Variants in MICAL3 observed in about 807,000 individuals in gnomAD.
MICAL3 encodes the protein microtubule associated monooxygenase, calponin and LIM domain containing 3, also known as [F-actin]-monooxygenase MICAL3.
In MICAL3, 62 loss-of-function variants were observed where a neutral mutation model predicts 207.4. The ratio of observed to expected loss-of-function variants is 0.30; its 90% CI spans 0.24 to 0.37. MICAL3 has a LOEUF of 0.37. Ranked by LOEUF, MICAL3 falls within the 10% of genes least tolerant of loss-of-function variation. The probability of loss-of-function intolerance (pLI) is 1.00; values close to 1 mark genes in which losing one functional copy is unlikely to be tolerated. For synonymous variants in MICAL3, 1,077 were observed against 1,069.3 expected (o/e 1.01, Z -0.14); for missense variants, 2,368 against 2,635.6 (o/e 0.90, Z 2.22).
In MICAL3 at chr22:17,952,068, C is replaced by T. The variant is rs145313286; in HGVS notation, c.-74-45182G>A. ...CAAGGGCTGCTATGTGATGCATGAACACCCAGGGTGGAATGAACTGCAAGG... is the reference window on the plus strand; with the variant it reads ...CAAGGGCTGCTATGTGATGCATGAATACCCAGGGTGGAATGAACTGCAAGG... On this transcript the variant is annotated intron_variant, in intron 1 of 31. Transcript: ENST00000441493. Among the ~76,000 whole-genome samples the T allele has an allele frequency of 4.6e-3, 705 of 152,298 alleles. 6 individuals carry two copies. The highest frequency in any genetic ancestry group is 0.016 in the African/African-American group (659 of 41,552).
intron 1 of MICAL3, among the ~76,000 whole-genome samples, chr22:17,927,095 C>T (rs985843601): frequency 7.9e-5 from 12 of 152,194 alleles, no homozygotes; most frequent in African/African-American, 2.9e-4. Context: ...TCCCCATTTC[C>T]CCTTCCTCAG....
In MICAL3 at chr22:17,817,579, C is replaced by A. The variant is rs1921138681; in HGVS notation, c.5082G>T (p.Gly1694=). ...GSFTSSEGSS[G]KSKKRSSLFS... is the part of the protein sequence containing the mutation. ...AGAGTGACGACCTCTTCTTGCTCTT[C>A]CCACTGGAGCCCTCGGATGAAGTGA... Residue 1694 remains glycine (G), a synonymous_variant, in exon 26 of 32, where the codon GGG becomes GGT. Transcript: ENST00000441493. 6.2e-7 allele frequency: 1 copy of A among 1,613,286 alleles called. No homozygotes were observed. The highest frequency in any genetic ancestry group is 1.7e-5 in the Admixed American group (1 of 59,988).
intron 1 of MICAL3, among the ~76,000 whole-genome samples, chr22:18,011,934 T>G (rs1196759782): frequency 1.3e-5 from 2 of 149,314 alleles, no homozygotes; most frequent in African/African-American, 4.9e-5. Context: ...AATAAAAAAT[T>G]TTTTAAAAAA....
chr22:17,957,264 A>C (rs1193732776), intron 1 of MICAL3, among the ~76,000 whole-genome samples: 1 of 152,196 alleles, frequency 6.6e-6, no homozygotes, highest in Non-Finnish European at 1.5e-5. Context: ...AAGGAACGAG[A>C]CAAAATCCTG....
chr22:17,835,707 G>A (rs975018575), intron 20 of MICAL3, among the ~76,000 whole-genome samples: 2 of 152,244 alleles, frequency 1.3e-5, no homozygotes, highest in South Asian at 2.1e-4. Flanking sequence ...CAGGAGGGAC[G>A]GGGTCAGATC....
At chr22:17,926,031 G>C (rs1025887547) in intron 1 of MICAL3, among the ~76,000 whole-genome samples, 2 of 152,228 alleles carry the variant, frequency 1.3e-5, no homozygotes, top group African/African-American at 4.8e-5. Flanking sequence ...CATTTTAAGT[G>C]ATGGTATCCA....
At chr22:17,858,824 G>A (rs951375804) in intron 19 of MICAL3, among the ~76,000 whole-genome samples, 2 of 152,236 alleles carry the variant, frequency 1.3e-5, no homozygotes, top group African/African-American at 4.8e-5. Context: ...CTCAGGCATC[G>A]CTGTGAACAG....
At chr22:17,963,795 G>A (rs534276620) in intron 1 of MICAL3, among the ~76,000 whole-genome samples, 65 of 152,294 alleles carry the variant, frequency 4.3e-4, no homozygotes, top group Non-Finnish European at 5.7e-4. Context: ...GAATCCCACA[G>A]GCCGATCATT....
At chr22:17,967,486 ACACACACC>A (rs1556491354) in intron 1 of MICAL3, among the ~76,000 whole-genome samples, 1 of 145,592 alleles carries the variant, frequency 6.9e-6, no homozygotes, top group Non-Finnish European at 1.5e-5. Flanking sequence ...ACACACACAC[ACACACACC>A]CACACACACC....
chr22:17,807,740 G>A (rs994819529), intron 29 of MICAL3, among the ~76,000 whole-genome samples: 1 of 152,176 alleles, frequency 6.6e-6, no homozygotes, highest in African/African-American at 2.4e-5. Flanking sequence ...CACTTCCCAT[G>A]AGCCCATGGG....
intron 1 of MICAL3, among the ~76,000 whole-genome samples, chr22:18,021,959 C>T (rs915357914): frequency 6.6e-6 from 1 of 152,152 alleles, no homozygotes; most frequent in Non-Finnish European, 1.5e-5. Context: ...CTACTTAACC[C>T]AAATGAAAGC....
chr22:17,866,669 A>AGAATAGAATAGAATAGAATAG lies in MICAL3; in HGVS notation c.2429-658_2429-657insCTATTCTATTCTATTCTATTC, dbSNP rs1556037530. On this transcript the variant is annotated intron_variant, in intron 17 of 31. Coordinates refer to ENST00000441493, the MANE Select transcript of MICAL3 (RefSeq NM_015241.3). ...AGAATAGAATAGAATAGAATAGAAT[A>AGAATAGAATAGAATAGAATAG]TAGAATAGAATAGAATAGAATCCAG... Among the ~76,000 whole-genome samples, 9 of 87,496 alleles carry AGAATAGAATAGAATAGAATAG rather than the reference A, an allele frequency of 1.0e-4. No individual in the cohort carries two copies. In the East Asian group the frequency reaches 2.1e-3, roughly 21 times the overall value. 57.4% of individuals were successfully genotyped at this position (87,496 alleles called of 152,430 possible).
At chr22:17,961,804 C>T (rs113234048) in intron 1 of MICAL3, among the ~76,000 whole-genome samples, 3,264 of 152,292 alleles carry the variant, frequency 0.021, 44 homozygotes, top group Non-Finnish European at 0.033. Context: ...GCCCACCCCA[C>T]CCCAACCCTG....
chr22:17,864,524 G>A lies in MICAL3; in HGVS notation c.2605+375C>T, dbSNP rs1417530482. 8.4e-6 allele frequency: 12 copies of A among 1,434,500 alleles called. No homozygotes were observed. In the Admixed American group the frequency reaches 1.1e-4, roughly 13 times the overall value. 88.9% of individuals were successfully genotyped at this position (1,434,500 alleles called of 1,614,324 possible). On this transcript the variant is annotated intron_variant, in intron 19 of 31. Coordinates refer to ENST00000441493, the MANE Select transcript of MICAL3 (RefSeq NM_015241.3). ...CCTTGGCCTCACCAGGGCGGGTGAT[G>A]GGAGCAGTGTCTGAGCGCCTGCGAG...
intron 19 of MICAL3, among the ~76,000 whole-genome samples, chr22:17,855,927 C>T (rs1444062866): frequency 2.6e-5 from 4 of 152,264 alleles, no homozygotes; most frequent in African/African-American, 7.2e-5. Flanking sequence ...CTCCTGTGTC[C>T]TCTGCACAGC....
Position 17,821,524 on chromosome 22 carries a change from C to A in MICAL3, c.3449-15G>T. Reference sequence around the variant, plus strand: ...TTGGGAGGGACCTGAAAAGAATGAACACAGGGACTTACAAGAGGAAGCCCC... The same window carrying A: ...TTGGGAGGGACCTGAAAAGAATGAAAACAGGGACTTACAAGAGGAAGCCCC... On this transcript the variant is annotated splice_polypyrimidine_tract_variant and intron_variant, in intron 24 of 31. Coordinates refer to ENST00000441493, the MANE Select transcript of MICAL3 (RefSeq NM_015241.3). 6.5e-7 allele frequency: 1 copy of A among 1,535,318 alleles called. No homozygotes were observed. Among genetic ancestry groups the A allele is most frequent in the South Asian group, 1.2e-5 (1 of 82,010 alleles).
chr22:17,912,138 T>C (rs1281577428), intron 1 of MICAL3, among the ~76,000 whole-genome samples: 1 of 152,184 alleles, frequency 6.6e-6, no homozygotes, highest in Non-Finnish European at 1.5e-5. Context: ...AAAACATAGT[T>C]TGACCATATA....
intron 1 of MICAL3, among the ~76,000 whole-genome samples, chr22:17,996,272 T>C (rs1922263968): frequency 6.6e-6 from 1 of 150,862 alleles, no homozygotes; most frequent in Admixed American, 6.6e-5. Flanking sequence ...ACCTTGTCTC[T>C]ACTAAAAAAA....
chr22:17,946,555 G>A (rs145560184), intron 1 of MICAL3, among the ~76,000 whole-genome samples: 4 of 152,260 alleles, frequency 2.6e-5, no homozygotes, highest in Admixed American at 6.5e-5. Flanking sequence ...CAGCACATGC[G>A]ACACTGAGTC....
Sources: allele counts gnomAD v4.1 joint callset (sites outside exome capture counted in the v4.1 genomes callset), GRCh38; gene constraint gnomAD v4.1.1; transcripts MANE v1.5; gene names NCBI Gene and HGNC (gene_info 2026-07-23, HGNC 2026-07-21).